The following FOXO3 variants were observed in gnomAD, a reference collection of about 807,000 sequenced individuals.
The protein encoded by FOXO3 is forkhead box protein O3.
Under a neutral mutation model 41.9 loss-of-function variants are expected in FOXO3, and 4 were observed. The ratio of observed to expected loss-of-function variants is 0.10; its 90% CI spans 0.05 to 0.22. The LOEUF (loss-of-function observed/expected upper bound fraction) is 0.22. Among genes scored for constraint, FOXO3 ranks in the 10% least tolerant of loss-of-function variants. The pLI is 1.00. For synonymous variants in FOXO3, 318 were observed against 389.3 expected, an observed-to-expected ratio of 0.82 and a Z score of 2.16; for missense variants, 534 against 906.8, an observed-to-expected ratio of 0.59 and a Z score of 5.28.
At chr6:108,648,661 G>C (rs1177000043) in intron 1 of FOXO3, among the ~76,000 whole-genome samples, 1 of 152,062 alleles carries the variant, frequency 6.6e-6, no homozygotes, top group African/African-American at 2.4e-5. Context: ...TCATGGTTAA[G>C]GAAATAATCA....
At chr6:108,571,286 CT>C (rs1288906003) in intron 1 of FOXO3, among the ~76,000 whole-genome samples, 4 of 152,100 alleles carry the variant, frequency 2.6e-5, no homozygotes, top group Non-Finnish European at 5.9e-5. Flanking sequence ...TAACTTTGAA[CT>C]TTTTGTAATT....
intron 1 of FOXO3, among the ~76,000 whole-genome samples, chr6:108,596,786 C>T (rs903954862): frequency 3.9e-5 from 6 of 152,162 alleles, no homozygotes; most frequent in African/African-American, 4.8e-5. Context: ...CTTCAGGATG[C>T]GTACCAGCAG....
chr6:108,607,122 G>C (rs907861327), intron 1 of FOXO3, among the ~76,000 whole-genome samples: 2 of 152,154 alleles, frequency 1.3e-5, no homozygotes, highest in Non-Finnish European at 2.9e-5. Flanking sequence ...CTTAGGAGAT[G>C]AAAGAATTTT....
intron 1 of FOXO3, among the ~76,000 whole-genome samples, chr6:108,611,579 C>A (rs1446864471): frequency 6.6e-6 from 1 of 152,084 alleles, no homozygotes; most frequent in East Asian, 1.9e-4. Context: ...GTGGTAGATA[C>A]CTCATTGTAA....
chr6:108,663,413 AC>A, intron 1 of FOXO3, 41 bp from the exon 2 acceptor site: 1 of 1,541,418 alleles, frequency 6.5e-7, no homozygotes, highest in Non-Finnish European at 8.7e-7. Context: ...TCGGTTTTGG[AC>A]CATTCTGGTT....
chr6:108,683,963 G>C lies in FOXO3; in HGVS notation c.*4171G>C, dbSNP rs534477375. Reference sequence around the variant, plus strand: ...TGTCAAATGAGGTCTTGAAGCGGATGCCCAAATAAAAGAGTATATTTTATC... The same window carrying C: ...TGTCAAATGAGGTCTTGAAGCGGATCCCCAAATAAAAGAGTATATTTTATC... On this transcript the variant is annotated 3_prime_UTR_variant, in exon 3 of 3. Transcript: ENST00000406360. The C allele has an allele frequency of 6.6e-6, 1 of 152,528 alleles. No homozygotes were observed. Among genetic ancestry groups the C allele is most frequent in the African/African-American group, 2.4e-5 (1 of 41,390 alleles). 9.4% of individuals were successfully genotyped at this position (152,528 alleles called of 1,614,324 possible).
chr6:108,601,704 A>G (rs1229533304), intron 1 of FOXO3, among the ~76,000 whole-genome samples: 1 of 152,132 alleles, frequency 6.6e-6, no homozygotes, highest in African/African-American at 2.4e-5. Context: ...TAATTTTGTC[A>G]TTTCAAGAAT....
chr6:108,627,557 T>G (rs1777845421), intron 1 of FOXO3, among the ~76,000 whole-genome samples: 1 of 152,084 alleles, frequency 6.6e-6, no homozygotes, highest in Admixed American at 6.6e-5. Flanking sequence ...AAAGCCCAGG[T>G]AGTCATTTTG....
At chr6:108,581,215 A>G (rs1448639571) in intron 1 of FOXO3, among the ~76,000 whole-genome samples, 1 of 152,164 alleles carries the variant, frequency 6.6e-6, no homozygotes, top group East Asian at 1.9e-4. Flanking sequence ...AGGACATTGT[A>G]TATGGTGGTT....
chr6:108,645,064 C>G (rs984106231), intron 1 of FOXO3, among the ~76,000 whole-genome samples: 6 of 152,290 alleles, frequency 3.9e-5, no homozygotes, highest in Non-Finnish European at 8.8e-5. Flanking sequence ...CTTCCACCAC[C>G]ACTCTGGCCC....
At chr6:108,581,242 A>G (rs1415001809) in intron 1 of FOXO3, among the ~76,000 whole-genome samples, 1 of 152,190 alleles carries the variant, frequency 6.6e-6, no homozygotes, top group African/African-American at 2.4e-5. Context: ...GGTGACTGTA[A>G]CAGGCAGATG....
chr6:108,667,063 G>C (rs1737644419), intron 2 of FOXO3, among the ~76,000 whole-genome samples: 1 of 152,208 alleles, frequency 6.6e-6, no homozygotes, highest in African/African-American at 2.4e-5. Flanking sequence ...GGTGGTTGCA[G>C]AAAGGGGAAT....
chr6:108,629,336 G>A lies in FOXO3; in HGVS notation c.622-34119G>A, dbSNP rs369000276. On this transcript the variant is annotated intron_variant, in intron 1 of 2. Transcript: ENST00000406360. ...GAAAGGCAGGTAAGATTGAGAATAA[G>A]GGTTGTGTAATTTTCGGGTGCCTTC... is the stretch of plus-strand genomic sequence containing the variant. 1.1e-4 allele frequency among the ~76,000 whole-genome samples: 16 copies of A among 152,236 alleles called. No homozygotes were observed. The East Asian group carries it at 2.3e-3, about 22-fold the overall frequency.
At chr6:108,610,249 A>G (rs1305834136) in intron 1 of FOXO3, among the ~76,000 whole-genome samples, 1 of 152,026 alleles carries the variant, frequency 6.6e-6, no homozygotes, top group East Asian at 1.9e-4. Context: ...TATTATAGGT[A>G]TTGTTTTTGT....
chr6:108,627,228 G>T (rs1777835803), intron 1 of FOXO3, among the ~76,000 whole-genome samples: 1 of 152,182 alleles, frequency 6.6e-6, no homozygotes, highest in African/African-American at 2.4e-5. Flanking sequence ...GCTGGTCAGG[G>T]CTTTCTTGGG....
intron 1 of FOXO3, among the ~76,000 whole-genome samples, chr6:108,625,749 C>G (rs1488081679): frequency 6.6e-6 from 1 of 152,054 alleles, no homozygotes; most frequent in African/African-American, 2.4e-5. Flanking sequence ...GCTGTGTGGC[C>G]TTGAGTGAGC....
intron 1 of FOXO3, among the ~76,000 whole-genome samples, chr6:108,657,108 T>C (rs1210660953): frequency 6.6e-6 from 1 of 152,246 alleles, no homozygotes; most frequent in Non-Finnish European, 1.5e-5. Context: ...TCTGCCCCAG[T>C]GCAGGGCTTC....
chr6:108,604,724 T>G lies in FOXO3; in HGVS notation c.621+42895T>G, dbSNP rs576592176. Among the ~76,000 whole-genome samples, 89 of 152,268 alleles carry G rather than the reference T, an allele frequency of 5.8e-4. 1 individual carries two copies. In the South Asian group the frequency reaches 0.018, roughly 31 times the overall value. On this transcript the variant is annotated intron_variant, in intron 1 of 2. Coordinates refer to ENST00000406360, the MANE Select transcript of FOXO3 (RefSeq NM_001455.4). ...TTTGAAGGTTGGGTTTTTTTTTTCCTTGTTGCTTTTTGCTTTTCAGTTTGT... is the reference window on the plus strand; with the variant it reads ...TTTGAAGGTTGGGTTTTTTTTTTCCGTGTTGCTTTTTGCTTTTCAGTTTGT...
At chr6:108,584,377 A>G (rs1240357320) in intron 1 of FOXO3, among the ~76,000 whole-genome samples, 1 of 151,684 alleles carries the variant, frequency 6.6e-6, no homozygotes, top group Non-Finnish European at 1.5e-5. Context: ...TTTTGTTGAT[A>G]AAAGTATTAC....
Sources: gnomAD v4.1 joint callset for allele counts (sites outside exome capture counted in the v4.1 genomes callset) on GRCh38, gnomAD v4.1.1 for gene constraint, MANE v1.5 for transcripts, NCBI Gene and HGNC (gene_info 2026-07-23, HGNC 2026-07-21) for gene names.